The following FKBP5 variants were observed in gnomAD, a reference collection of about 807,000 sequenced individuals.
The protein encoded by FKBP5 is peptidyl-prolyl cis-trans isomerase FKBP5.
In FKBP5, 23 loss-of-function variants were observed where a neutral mutation model predicts 50.5. That is an observed-to-expected ratio of 0.46 (90% confidence interval 0.33 to 0.65). The LOEUF (loss-of-function observed/expected upper bound fraction) is 0.65. FKBP5 is among the 30% of genes least tolerant of loss of function. The pLI is 0.02. For missense variants in FKBP5, 411 were observed against 553.1 expected (o/e 0.74, Z 2.58); for synonymous variants, 176 against 190.6 (o/e 0.92, Z 0.63).
chr6:35,638,487 T>G (rs1293175308), intron 2 of FKBP5, among the ~76,000 whole-genome samples: 1 of 152,196 alleles, frequency 6.6e-6, no homozygotes, highest in Non-Finnish European at 1.5e-5. Flanking sequence ...GGTACAATCA[T>G]AGCTCACTGT....
intron 1 of FKBP5, among the ~76,000 whole-genome samples, chr6:35,677,006 A>G (rs1357049922): frequency 6.6e-6 from 1 of 152,228 alleles, no homozygotes; most frequent in Admixed American, 6.5e-5. Flanking sequence ...AAGCCTGCAA[A>G]GAGAAGGCAG....
Position 35,615,814 on chromosome 6 carries a change from G to A in FKBP5, c.508+3282C>T, listed in dbSNP as rs115384376. On this transcript the variant is annotated intron_variant, in intron 5 of 10. Transcript: ENST00000357266. ...ATTACAAAGGGAAAATAGTAACGTT[G>A]CAGTAGTGAAACATGGTTTCCCACC... 1.8e-3 allele frequency among the ~76,000 whole-genome samples: 273 copies of A among 152,290 alleles called. 1 individual carries two copies. Among genetic ancestry groups the A allele is most frequent in the Middle Eastern group, 0.014 (4 of 294 alleles).
At chr6:35,649,148 G>A (rs561409518) in intron 1 of FKBP5, among the ~76,000 whole-genome samples, 162 of 151,538 alleles carry the variant, frequency 1.1e-3, no homozygotes, top group East Asian at 4.1e-3. Context: ...CTACTTGGGA[G>A]GCTGAGGCAG....
chr6:35,580,173 A>G lies in FKBP5; in HGVS notation c.889T>C (p.Trp297Arg). ...AVIQYGKIVS[W>R]LEMEYGLSEK... Reference sequence around the variant, plus strand: ...GATAAACCATATTCCATCTCTAACCAGGACACTATCTTCCCATACTGAATC... The same window carrying G: ...GATAAACCATATTCCATCTCTAACCGGGACACTATCTTCCCATACTGAATC... Residue 297 changes from tryptophan (W) to arginine (R), a missense_variant, in exon 9 of 11, where the codon TGG becomes CGG. Coordinates refer to ENST00000357266, the MANE Select transcript of FKBP5 (RefSeq NM_004117.4). 6.2e-7 allele frequency: 1 copy of G among 1,614,160 alleles called. No homozygotes were observed. The highest frequency in any genetic ancestry group is 8.5e-7 in the Non-Finnish European group (1 of 1,179,986).
chr6:35,620,737 A>C (rs1266775972), intron 3 of FKBP5, among the ~76,000 whole-genome samples: 2 of 152,178 alleles, frequency 1.3e-5, no homozygotes, highest in Non-Finnish European at 1.5e-5. Flanking sequence ...CCTGGGTGAC[A>C]GAGTGAGACC....
At chr6:35,583,833 C>T (rs1762519076) in intron 8 of FKBP5, 1 of 985,204 alleles carries the variant, frequency 1.0e-6, no homozygotes, top group South Asian at 4.7e-5. Context: ...AACATCAAAT[C>T]CTAGAGTCAT....
At chr6:35,639,426 G>A (rs1036613050) in intron 2 of FKBP5, among the ~76,000 whole-genome samples, 1 of 152,098 alleles carries the variant, frequency 6.6e-6, no homozygotes, top group African/African-American at 2.4e-5. Context: ...TTCTTAATAA[G>A]CCTAAAAATC....
intron 2 of FKBP5, among the ~76,000 whole-genome samples, chr6:35,719,691 A>G (rs966568809): frequency 1.3e-5 from 2 of 152,144 alleles, no homozygotes; most frequent in Admixed American, 1.3e-4. Flanking sequence ...GACTCCAGAC[A>G]CCATGTGCCT....
intron 5 of FKBP5, among the ~76,000 whole-genome samples, chr6:35,603,548 A>C (rs1763210191): frequency 6.6e-6 from 1 of 152,206 alleles, no homozygotes; most frequent in Non-Finnish European, 1.5e-5. Flanking sequence ...TTCCTATTTT[A>C]ATAAATTCTA....
At chr6:35,655,769 C>G (rs906437876) in intron 1 of FKBP5, among the ~76,000 whole-genome samples, 5 of 152,188 alleles carry the variant, frequency 3.3e-5, no homozygotes, top group Non-Finnish European at 7.3e-5. Context: ...TGGAAAATTA[C>G]ACTGTACCTG....
intron 1 of FKBP5, among the ~76,000 whole-genome samples, chr6:35,687,428 G>T (rs1765858432): frequency 6.6e-6 from 1 of 152,038 alleles, no homozygotes; most frequent in Non-Finnish European, 1.5e-5. Context: ...TCGATTCTTG[G>T]CTTTTGATTC....
chr6:35,599,644 T>C (rs1763084928), intron 5 of FKBP5, among the ~76,000 whole-genome samples: 1 of 152,168 alleles, frequency 6.6e-6, no homozygotes, highest in Admixed American at 6.5e-5. Flanking sequence ...TGGGCCAAAC[T>C]AGAAAGGGCC....
intron 8 of FKBP5, chr6:35,580,869 A>C (rs778960893): frequency 1.0e-6 from 1 of 985,154 alleles, no homozygotes; most frequent in Non-Finnish European, 1.2e-6. Flanking sequence ...AAGGATTGTG[A>C]GCAGTTTTAG....
chr6:35,671,029 T>C (rs1424402862), intron 1 of FKBP5, among the ~76,000 whole-genome samples: 3 of 151,836 alleles, frequency 2.0e-5, no homozygotes, highest in Non-Finnish European at 4.4e-5. Flanking sequence ...GAGGCCAAAG[T>C]GAGACGATCC....
At chr6:35,582,342 A>C (rs1027847916) in intron 8 of FKBP5, 1 of 953,318 alleles carries the variant, frequency 1.0e-6, no homozygotes, top group African/African-American at 1.8e-5. Context: ...CCTATGTTGA[A>C]GCCCTCACCC....
At chr6:35,643,768 G>A (rs1282850163) in intron 1 of FKBP5, among the ~76,000 whole-genome samples, 1 of 152,076 alleles carries the variant, frequency 6.6e-6, no homozygotes, top group Non-Finnish European at 1.5e-5. Flanking sequence ...AGGCCATTTT[G>A]CCCTTTTACG....
chr6:35,622,158 A>C (rs1336008313), intron 3 of FKBP5, among the ~76,000 whole-genome samples: 4 of 152,196 alleles, frequency 2.6e-5, no homozygotes, highest in Non-Finnish European at 5.9e-5. Flanking sequence ...CTTTAGCTTA[A>C]TCTTCATTAA....
intron 3 of FKBP5, among the ~76,000 whole-genome samples, chr6:35,632,132 T>TA (rs1441007423): frequency 6.6e-6 from 1 of 152,174 alleles, no homozygotes; most frequent in Non-Finnish European, 1.5e-5. Flanking sequence ...TTAAATGGGC[T>TA]ATGACCAGTT....
At chr6:35,677,417 A>G (rs1317423300) in intron 1 of FKBP5, among the ~76,000 whole-genome samples, 1 of 152,232 alleles carries the variant, frequency 6.6e-6, no homozygotes, top group Non-Finnish European at 1.5e-5. Context: ...GTCAGGAAAT[A>G]TGAGACATGG....
Sources: gnomAD v4.1 joint callset for allele counts (sites outside exome capture counted in the v4.1 genomes callset) on GRCh38, gnomAD v4.1.1 for gene constraint, MANE v1.5 for transcripts, NCBI Gene and HGNC (gene_info 2026-07-23, HGNC 2026-07-21) for gene names.